The following CDH13 variants were observed in gnomAD, a reference collection of about 807,000 sequenced individuals.
CDH13 encodes cadherin-13.
In CDH13, 24 loss-of-function variants were observed where a neutral mutation model predicts 63.8. The observed-to-expected ratio is 0.38, with a 90% CI of 0.27 to 0.53. The LOEUF (loss-of-function observed/expected upper bound fraction) is 0.53, where lower values mean the gene tolerates loss of function less well. Ranked by LOEUF, CDH13 falls within the 20% of genes least tolerant of loss-of-function variation. The pLI, the probability that CDH13 is intolerant of heterozygous loss-of-function variation, is 0.85. For synonymous variants in CDH13, 503 were observed against 355.3 expected, an observed-to-expected ratio of 1.42 and a Z score of -4.67; for missense variants, 1,049 against 903.1, an observed-to-expected ratio of 1.16 and a Z score of -2.07.
intron 13 of CDH13, among the ~76,000 whole-genome samples, chr16:83,789,815 T>C (rs1272872947): frequency 6.6e-6 from 1 of 151,990 alleles, no homozygotes; most frequent in East Asian, 1.9e-4. Context: ...TTTTTGTAAA[T>C]AAAGTTTTAT....
intron 6 of CDH13, among the ~76,000 whole-genome samples, chr16:83,394,312 A>G (rs949874378): frequency 5.3e-5 from 8 of 152,114 alleles, no homozygotes; most frequent in African/African-American, 1.9e-4. Flanking sequence ...GCGGTTTTCA[A>G]TTGCGTGCTC....
intron 1 of CDH13, among the ~76,000 whole-genome samples, chr16:82,791,695 C>A (rs546260140): frequency 2.0e-5 from 3 of 152,232 alleles, no homozygotes; most frequent in Non-Finnish European, 4.4e-5. Flanking sequence ...CAGCGAGGCT[C>A]CCATTGCCAC....
Position 83,327,071 on chromosome 16 carries a change from G to A in CDH13, c.637-17791G>A, listed in dbSNP as rs549568803. Reference sequence around the variant, plus strand: ...AGAGGGATTTATGTAAGAAATATGAGTCTATTTCCATGACTTGTGTCATTT... The same window carrying A: ...AGAGGGATTTATGTAAGAAATATGAATCTATTTCCATGACTTGTGTCATTT... On this transcript the variant is annotated intron_variant, in intron 5 of 13. Transcript: ENST00000567109. 2.1e-3 allele frequency among the ~76,000 whole-genome samples: 327 copies of A among 152,332 alleles called. 1 individual carries two copies. The highest frequency in any genetic ancestry group is 4.0e-3 in the Non-Finnish European group (269 of 68,030).
intron 1 of CDH13, among the ~76,000 whole-genome samples, chr16:82,844,093 A>T (rs1282898434): frequency 6.6e-6 from 1 of 152,184 alleles, no homozygotes; most frequent in Non-Finnish European, 1.5e-5. Flanking sequence ...GAATGTGTCA[A>T]GGTTACCTGT....
At chr16:83,553,009 G>A (rs997280160) in intron 7 of CDH13, among the ~76,000 whole-genome samples, 3 of 151,762 alleles carry the variant, frequency 2.0e-5, no homozygotes, top group African/African-American at 7.3e-5. Flanking sequence ...AACCCAGGAG[G>A]CAGAGGTTGC....
chr16:83,581,443 T>G (rs1015059391), intron 7 of CDH13, among the ~76,000 whole-genome samples: 1 of 152,208 alleles, frequency 6.6e-6, no homozygotes, highest in Non-Finnish European at 1.5e-5. Context: ...TTCTGAAAGT[T>G]TCTCCTCCAA....
At chr16:83,546,871 T>C (rs1352698929) in intron 7 of CDH13, among the ~76,000 whole-genome samples, 1 of 152,206 alleles carries the variant, frequency 6.6e-6, no homozygotes, top group Non-Finnish European at 1.5e-5. Flanking sequence ...CAAGTGCCAG[T>C]CTCTTTGCAT....
intron 1 of CDH13, among the ~76,000 whole-genome samples, chr16:82,842,130 A>ATGTG (rs1417383858): frequency 6.2e-5 from 3 of 48,288 alleles, no homozygotes; most frequent in African/African-American, 2.1e-4. Context: ...ATATATATAT[A>ATGTG]TATATATACA....
intron 2 of CDH13, among the ~76,000 whole-genome samples, chr16:83,029,899 G>T (rs567961196): frequency 6.6e-6 from 1 of 152,188 alleles, no homozygotes; most frequent in African/African-American, 2.4e-5. Context: ...AGCCTGTTCA[G>T]CAGAGACCAA....
At chr16:83,084,687 G>C (rs1163585326) in intron 3 of CDH13, among the ~76,000 whole-genome samples, 4 of 152,100 alleles carry the variant, frequency 2.6e-5, no homozygotes, top group African/African-American at 4.8e-5. Flanking sequence ...TTAGGAGTTT[G>C]AGACCGGCCT....
intron 3 of CDH13, among the ~76,000 whole-genome samples, chr16:83,119,723 T>A (rs561030726): frequency 6.6e-6 from 1 of 151,708 alleles, no homozygotes; most frequent in South Asian, 2.1e-4. Context: ...ACACAGAGAG[T>A]TGTCCCGAAG....
intron 13 of CDH13, among the ~76,000 whole-genome samples, chr16:83,787,249 A>C: frequency 6.6e-6 from 1 of 152,220 alleles, no homozygotes; most frequent in Non-Finnish European, 1.5e-5. Flanking sequence ...TTTTTCTGTA[A>C]AGGGCCAGGT....
intron 5 of CDH13, among the ~76,000 whole-genome samples, chr16:83,218,406 G>A (rs1463593004): frequency 6.6e-6 from 1 of 152,128 alleles, no homozygotes; most frequent in African/African-American, 2.4e-5. Flanking sequence ...AGCATTTGCT[G>A]GGGGAGTCAC....
intron 1 of CDH13, among the ~76,000 whole-genome samples, chr16:82,736,829 G>A (rs2033698004): frequency 6.6e-6 from 1 of 152,134 alleles, no homozygotes; most frequent in African/African-American, 2.4e-5. Context: ...GACTCTTGAT[G>A]GGGTTCCCAC....
intron 7 of CDH13, among the ~76,000 whole-genome samples, chr16:83,584,909 G>T (rs1453370651): frequency 2.6e-5 from 4 of 152,088 alleles, no homozygotes; most frequent in Non-Finnish European, 5.9e-5. Flanking sequence ...AAGAGATAGG[G>T]GGAGGTGCCA....
chr16:83,538,354 T>C (rs528295210), intron 7 of CDH13, among the ~76,000 whole-genome samples: 25 of 152,296 alleles, frequency 1.6e-4, no homozygotes, highest in Non-Finnish European at 2.5e-4. Flanking sequence ...ACTATACTCA[T>C]CTCCGTAGAT....
intron 5 of CDH13, among the ~76,000 whole-genome samples, chr16:83,239,507 T>C (rs1169900848): frequency 6.8e-6 from 1 of 148,078 alleles, no homozygotes; most frequent in Non-Finnish European, 1.5e-5. Context: ...GGGGGCATCA[T>C]GCTGGGTAAT....
chr16:83,589,103 G>T (rs553533994), intron 7 of CDH13, among the ~76,000 whole-genome samples: 1 of 152,200 alleles, frequency 6.6e-6, no homozygotes, highest in African/African-American at 2.4e-5. Flanking sequence ...TATTTGTGAG[G>T]GCTCCAAGGG....
At chr16:83,334,774 C>A (rs757472923) in intron 5 of CDH13, among the ~76,000 whole-genome samples, 2 of 152,074 alleles carry the variant, frequency 1.3e-5, no homozygotes, top group Non-Finnish European at 2.9e-5. Flanking sequence ...ACCGAAACTT[C>A]ATGAAAAGAT....
Sources: allele counts gnomAD v4.1 joint callset (sites outside exome capture counted in the v4.1 genomes callset), GRCh38; gene constraint gnomAD v4.1.1; transcripts MANE v1.5; gene names NCBI Gene and HGNC (gene_info 2026-07-23, HGNC 2026-07-21).